The following CSMD1 variants were observed in gnomAD, a reference collection of about 807,000 sequenced individuals.
CSMD1 encodes CUB and Sushi multiple domains 1.
A neutral mutation model predicts 417.5 loss-of-function variants in CSMD1; 213 were observed. That is an observed-to-expected ratio of 0.51 (90% CI 0.46 to 0.57). CSMD1 has a LOEUF of 0.57. CSMD1 is among the 20% of genes least tolerant of loss of function. The pLI is 0.00. For missense variants in CSMD1, 6,923 were observed against 4,529.7 expected (o/e 1.53, Z -15.17); for synonymous variants, 2,862 against 1,736.8 (o/e 1.65, Z -16.11).
chr8:4,677,271 C>A (rs188757663), intron 1 of CSMD1, among the ~76,000 whole-genome samples: 1 of 151,408 alleles, frequency 6.6e-6, no homozygotes. Flanking sequence ...TTGAAGGAAT[C>A]CAACAATGTA....
At chr8:4,187,617 A>T (rs149891640) in intron 3 of CSMD1, among the ~76,000 whole-genome samples, 2 of 143,884 alleles carry the variant, frequency 1.4e-5, no homozygotes, top group Non-Finnish European at 3.0e-5. Context: ...TGGAGGTTGC[A>T]GTGAGCCGAG....
intron 54 of CSMD1, among the ~76,000 whole-genome samples, chr8:2,993,299 C>A (rs1563215047): frequency 1.3e-5 from 2 of 152,158 alleles, no homozygotes; most frequent in South Asian, 2.1e-4. Context: ...GATTGCCTGT[C>A]TGGGTTTTCT....
At chr8:3,589,884 G>C (rs929289714) in intron 8 of CSMD1, among the ~76,000 whole-genome samples, 1 of 152,006 alleles carries the variant, frequency 6.6e-6, no homozygotes, top group Non-Finnish European at 1.5e-5. Flanking sequence ...CTCAATTTTA[G>C]AAAAGAAAAT....
chr8:3,712,079 ATTTAT>A (rs1327594629), intron 6 of CSMD1, among the ~76,000 whole-genome samples: 1 of 152,124 alleles, frequency 6.6e-6, no homozygotes, highest in African/African-American at 2.4e-5. Context: ...GAATATATGT[ATTTAT>A]TTATTATTTT....
chr8:3,789,791 T>C (rs1799634066), intron 5 of CSMD1, among the ~76,000 whole-genome samples: 1 of 147,466 alleles, frequency 6.8e-6, no homozygotes, highest in Admixed American at 7.0e-5. Context: ...AGTGCAGCGG[T>C]GCTATCTTGG....
chr8:3,737,883 G>C (rs746250423), intron 6 of CSMD1, among the ~76,000 whole-genome samples: 8 of 152,208 alleles, frequency 5.3e-5, no homozygotes, highest in Non-Finnish European at 8.8e-5. Context: ...TCTTTGCCCA[G>C]TGAGAATTCC....
At chr8:4,985,253 T>C (rs746659149) in intron 1 of CSMD1, among the ~76,000 whole-genome samples, 5 of 152,148 alleles carry the variant, frequency 3.3e-5, no homozygotes, top group Non-Finnish European at 7.3e-5. Context: ...GAAAAGTAAC[T>C]AATGGATACT....
At chr8:4,328,484 A>G (rs1799683790) in intron 3 of CSMD1, among the ~76,000 whole-genome samples, 2 of 152,208 alleles carry the variant, frequency 1.3e-5, no homozygotes, top group African/African-American at 2.4e-5. Flanking sequence ...GGGACTTACA[A>G]AAATTAGAAA....
At chr8:4,492,304 G>T (rs1008150416) in intron 2 of CSMD1, among the ~76,000 whole-genome samples, 12 of 152,052 alleles carry the variant, frequency 7.9e-5, no homozygotes, top group Admixed American at 7.9e-4. Flanking sequence ...TGCCCAGGAT[G>T]GTCTCAAACT....
intron 3 of CSMD1, among the ~76,000 whole-genome samples, chr8:4,050,836 A>T (rs78164520): frequency 0.015 from 2,298 of 152,274 alleles, 53 homozygotes; most frequent in East Asian, 0.085. Context: ...AATTTTTAAA[A>T]TTTTAGAGAA....
chr8:3,252,058 C>T (rs1340890049), intron 26 of CSMD1, among the ~76,000 whole-genome samples: 1 of 151,974 alleles, frequency 6.6e-6, no homozygotes, highest in Admixed American at 6.6e-5. Flanking sequence ...CCTTTTATTT[C>T]CTTCTGCCTG....
chr8:4,839,512 T>A (rs1800710309), intron 1 of CSMD1, among the ~76,000 whole-genome samples: 2 of 152,206 alleles, frequency 1.3e-5, no homozygotes, highest in South Asian at 4.1e-4. Flanking sequence ...TGATTTTTTC[T>A]GGGGCTCTGG....
chr8:4,154,432 T>C (rs572413649), intron 3 of CSMD1, among the ~76,000 whole-genome samples: 5 of 152,304 alleles, frequency 3.3e-5, no homozygotes, highest in Admixed American at 1.3e-4. Flanking sequence ...TGCCACTTTA[T>C]TGCCTCAAAG....
chr8:4,367,451 G>C (rs1477239006), intron 3 of CSMD1, among the ~76,000 whole-genome samples: 1 of 152,136 alleles, frequency 6.6e-6, no homozygotes, highest in Admixed American at 6.5e-5. Context: ...ATGATGTTTT[G>C]ATTAATGTAG....
At chr8:3,126,845 C>G (rs778935332) in intron 41 of CSMD1, among the ~76,000 whole-genome samples, 1 of 152,112 alleles carries the variant, frequency 6.6e-6, no homozygotes, top group African/African-American at 2.4e-5. Flanking sequence ...TTCGGGAGGA[C>G]CAGCCTGCAC....
chr8:4,592,021 G>A (rs764062777), intron 2 of CSMD1, among the ~76,000 whole-genome samples: 28 of 152,070 alleles, frequency 1.8e-4, no homozygotes, highest in Non-Finnish European at 2.9e-4. Flanking sequence ...GGCCAGGATG[G>A]GACCAGTGAA....
chr8:3,934,508 A>C (rs1810354882), intron 5 of CSMD1, among the ~76,000 whole-genome samples: 1 of 152,178 alleles, frequency 6.6e-6, no homozygotes, highest in Admixed American at 6.6e-5. Flanking sequence ...AGGAAAGGTA[A>C]TGAGGCCAGA....
chr8:4,312,398 CATATATATGCGTGT>C (rs1798667701), intron 3 of CSMD1, among the ~76,000 whole-genome samples: 15 of 105,274 alleles, frequency 1.4e-4, no homozygotes, highest in Middle Eastern at 4.5e-3. Flanking sequence ...TATATACATA[CATATATATGCGTGT>C]ATATATATGC....
chr8:4,351,282 T>A (rs1034303515), intron 3 of CSMD1, among the ~76,000 whole-genome samples: 1 of 152,252 alleles, frequency 6.6e-6, no homozygotes, highest in Non-Finnish European at 1.5e-5. Context: ...GAACGTATCT[T>A]TCCTAACAAG....
Sources: allele counts gnomAD v4.1 joint callset (sites outside exome capture counted in the v4.1 genomes callset), GRCh38; gene constraint gnomAD v4.1.1; transcripts MANE v1.5; gene names NCBI Gene and HGNC (gene_info 2026-07-23, HGNC 2026-07-21).